Variants in BARX2 observed in about 807,000 individuals in gnomAD.
The protein encoded by BARX2 is homeobox protein BarH-like 2.
A neutral mutation model predicts 25.5 loss-of-function variants in BARX2; 11 were observed. The ratio of observed to expected loss-of-function variants is 0.43; its 90% CI spans 0.27 to 0.71. BARX2 has a LOEUF of 0.71. BARX2 is among the 30% of genes least tolerant of loss of function. The pLI is 0.19. For missense variants in BARX2, 360 were observed against 359.9 expected (o/e 1.00, Z 0.00); for synonymous variants, 137 against 149.5 (o/e 0.92, Z 0.61).
At chr11:129,404,643 G>T (rs1487078597) in intron 1 of BARX2, among the ~76,000 whole-genome samples, 3 of 152,186 alleles carry the variant, frequency 2.0e-5, no homozygotes, top group African/African-American at 7.2e-5. Context: ...AATAAGCCTG[G>T]TGGGAAATTC....
chr11:129,451,061 A>G, intron 3 of BARX2, 75 bp from the exon 4 acceptor site: 1 of 1,534,720 alleles, frequency 6.5e-7, no homozygotes, highest in South Asian at 1.2e-5. Context: ...ATGCAACGTG[A>G]GGTTATACTG....
chr11:129,440,876 C>T lies in BARX2; in HGVS notation c.489-1959C>T, dbSNP rs1862247690. Among the ~76,000 whole-genome samples the T allele has an allele frequency of 2.0e-5, 3 of 152,234 alleles. No individual in the cohort carries two copies. In the South Asian group the frequency reaches 6.2e-4, roughly 32 times the overall value. On this transcript the variant is annotated intron_variant, in intron 2 of 3. Transcript: ENST00000281437. ...AGACTGACTGTGGGCCCGAGATTCA[C>T]AGACGGCAATCCTCAGAAACCTAGG... is the stretch of plus-strand genomic sequence containing the variant.
intron 1 of BARX2, among the ~76,000 whole-genome samples, chr11:129,411,950 CA>C (rs1565514891): frequency 6.6e-6 from 1 of 152,170 alleles, no homozygotes; most frequent in Admixed American, 6.5e-5. Flanking sequence ...AAAATTTAAG[CA>C]ACATATAAAG....
At chr11:129,424,302 C>T (rs918075140) in intron 1 of BARX2, among the ~76,000 whole-genome samples, 101 of 152,346 alleles carry the variant, frequency 6.6e-4, no homozygotes, top group Middle Eastern at 3.4e-3. Context: ...GTGATTGTCA[C>T]TTCAAACTGT....
chr11:129,389,728 G>GT (rs1565509763), intron 1 of BARX2, among the ~76,000 whole-genome samples: 1 of 146,156 alleles, frequency 6.8e-6, no homozygotes, highest in African/African-American at 2.5e-5. Context: ...TTTTTTTTTT[G>GT]AAAAAAAATG....
At chr11:129,402,018 GT>G (rs34593681) in intron 1 of BARX2, among the ~76,000 whole-genome samples, 40,898 of 141,210 alleles carry the variant, frequency 0.29, 8,030 homozygotes, top group African/African-American at 0.54. Context: ...GTTGACAGTG[GT>G]TTTTTTTTTT....
chr11:129,429,472 CTA>C (rs1862104578), intron 1 of BARX2, among the ~76,000 whole-genome samples: 1 of 152,122 alleles, frequency 6.6e-6, no homozygotes, highest in Non-Finnish European at 1.5e-5. Context: ...TTACAGTGAC[CTA>C]TGATTGCACC....
chr11:129,415,915 T>G (rs1861938529), intron 1 of BARX2, among the ~76,000 whole-genome samples: 1 of 152,270 alleles, frequency 6.6e-6, no homozygotes, highest in Non-Finnish European at 1.5e-5. Flanking sequence ...CACTTTTTCC[T>G]GAGGCTTCCG....
chr11:129,389,735 A>AG (rs1555133808), intron 1 of BARX2, among the ~76,000 whole-genome samples: 1 of 151,028 alleles, frequency 6.6e-6, no homozygotes, highest in Non-Finnish European at 1.5e-5. Flanking sequence ...TTTGAAAAAA[A>AG]ATGAAACTAT....
At chr11:129,425,700 C>G (rs551088872) in intron 1 of BARX2, among the ~76,000 whole-genome samples, 1 of 152,284 alleles carries the variant, frequency 6.6e-6, no homozygotes. Context: ...GGTGATAAGA[C>G]TTGGCTTGTC....
At chr11:129,429,367 A>G (rs1411926219) in intron 1 of BARX2, among the ~76,000 whole-genome samples, 4 of 149,922 alleles carry the variant, frequency 2.7e-5, no homozygotes, top group Non-Finnish European at 5.9e-5. Context: ...CCCTGCCTCT[A>G]AAAAAAAATT....
chr11:129,427,360 G>A (rs1862075639), intron 1 of BARX2, among the ~76,000 whole-genome samples: 1 of 152,180 alleles, frequency 6.6e-6, no homozygotes, highest in South Asian at 2.1e-4. Context: ...CGGGAGCTTA[G>A]GGGAATACTT....
chr11:129,424,032 T>C (rs905506961), intron 1 of BARX2, among the ~76,000 whole-genome samples: 11 of 152,188 alleles, frequency 7.2e-5, no homozygotes, highest in Non-Finnish European at 1.2e-4. Flanking sequence ...GTATTTTTAA[T>C]AGAGACAGGG....
At chr11:129,381,659 T>C (rs549460695) in intron 1 of BARX2, among the ~76,000 whole-genome samples, 1 of 152,318 alleles carries the variant, frequency 6.6e-6, no homozygotes, top group South Asian at 2.1e-4. Context: ...GATAGAAACA[T>C]GGATAGTATA....
chr11:129,402,340 A>T (rs1386408394), intron 1 of BARX2, among the ~76,000 whole-genome samples: 1 of 151,952 alleles, frequency 6.6e-6, no homozygotes, highest in East Asian at 1.9e-4. Flanking sequence ...AAAAAGGCAT[A>T]CTCACTACAC....
At chr11:129,445,883 G>A (rs1462150659) in intron 3 of BARX2, among the ~76,000 whole-genome samples, 5 of 137,858 alleles carry the variant, frequency 3.6e-5, no homozygotes, top group South Asian at 2.3e-4. Context: ...TCTTTTCAAG[G>A]CTATCTGTTT....
chr11:129,390,725 A>G lies in BARX2; in HGVS notation c.187+14503A>G, dbSNP rs764791847. On this transcript the variant is annotated intron_variant, in intron 1 of 3. Transcript: ENST00000281437. This position sits in a 1 kb window ranked among gnomAD's most constrained non-coding sequence, Gnocchi z 4.3. ...GTGCTTATTTTCAGAGGCGTTCCCC[A>G]TAACTGACAGCAGTCAATGACTTCT... Among the ~76,000 whole-genome samples the G allele has an allele frequency of 2.9e-4, 44 of 152,220 alleles. No homozygotes were observed. The highest frequency in any genetic ancestry group is 5.3e-4 in the Non-Finnish European group (36 of 68,040).
intron 1 of BARX2, among the ~76,000 whole-genome samples, chr11:129,397,023 A>T (rs939912105): frequency 6.6e-6 from 1 of 152,170 alleles, no homozygotes; most frequent in African/African-American, 2.4e-5. Context: ...GGTGGCTCAC[A>T]TCTGTAATCC....
chr11:129,396,886 T>C (rs1861726138), intron 1 of BARX2, among the ~76,000 whole-genome samples: 1 of 152,188 alleles, frequency 6.6e-6, no homozygotes. Flanking sequence ...TTTTACATCC[T>C]ATCTATTCTC....
Sources: gnomAD v4.1 joint callset for allele counts (sites outside exome capture counted in the v4.1 genomes callset) on GRCh38, gnomAD v4.1.1 for gene constraint, Gnocchi (gnomAD v3.1) non-coding constraint, MANE v1.5 for transcripts, NCBI Gene and HGNC (gene_info 2026-07-23, HGNC 2026-07-21) for gene names.